CAMTA1: variants seen among roughly 807,000 people sequenced by gnomAD.
The protein encoded by CAMTA1 is calmodulin-binding transcription activator 1.
CAMTA1 carries 27 observed loss-of-function variants against 170.9 expected under a neutral mutation model. The observed-to-expected ratio is 0.16, with a 90% CI of 0.12 to 0.22. The LOEUF is 0.22. Among genes scored for constraint, CAMTA1 ranks in the 10% least tolerant of loss-of-function variants. The pLI is 1.00. For missense variants in CAMTA1, 1,619 were observed against 2,217.2 expected (o/e 0.73, Z 5.42); for synonymous variants, 833 against 891.5 (o/e 0.93, Z 1.17).
chr1:7,397,883 G>A (rs2089458299), intron 5 of CAMTA1, among the ~76,000 whole-genome samples: 1 of 151,764 alleles, frequency 6.6e-6, no homozygotes, highest in African/African-American at 2.4e-5. Flanking sequence ...TTTGAGACTT[G>A]TTTTGTGACC....
intron 11 of CAMTA1, among the ~76,000 whole-genome samples, chr1:7,709,216 A>T (rs1173084101): frequency 6.6e-6 from 1 of 152,172 alleles, no homozygotes; most frequent in Non-Finnish European, 1.5e-5. Flanking sequence ...TGGGGTGCAG[A>T]GGGGCCCCAC....
chr1:7,145,505 C>T (rs1056193348), intron 4 of CAMTA1, among the ~76,000 whole-genome samples: 24 of 152,160 alleles, frequency 1.6e-4, no homozygotes, highest in Non-Finnish European at 7.3e-5. Context: ...CGGGAAGTAC[C>T]AGAGAAGCCA....
rs112677162 is a variant in CAMTA1, at chr1:7,663,299, T to C, written c.806-54T>C. Reference sequence around the variant, plus strand: ...ACTCTCTTTTGTGTGTGCATGTGTGTGTGCACATGTGTGCCTGCGTGTGCG... The same window carrying C: ...ACTCTCTTTTGTGTGTGCATGTGTGCGTGCACATGTGTGCCTGCGTGTGCG... On this transcript the variant is annotated intron_variant, in intron 8 of 22. Transcript: ENST00000303635. 2.5e-5 allele frequency: 37 copies of C among 1,504,986 alleles called. No individual in the cohort carries two copies. The African/African-American group carries it at 4.6e-4, about 19-fold the overall frequency. 93.2% of individuals were successfully genotyped at this position (1,504,986 alleles called of 1,614,324 possible). A position where few individuals can be genotyped will look rare whatever the true frequency, so the allele number is the denominator to read the frequency against.
chr1:7,749,927 G>A (rs2096883950), intron 19 of CAMTA1: 2 of 368,710 alleles, frequency 5.4e-6, no homozygotes, highest in South Asian at 4.0e-5. Flanking sequence ...GGCCACCTAA[G>A]CACAGTTCCT....
chr1:7,425,872 C>G (rs530800957), intron 5 of CAMTA1, among the ~76,000 whole-genome samples: 1 of 152,316 alleles, frequency 6.6e-6, no homozygotes, highest in Non-Finnish European at 1.5e-5. Context: ...AGTTGTGACT[C>G]CAGCTTCCCC....
intron 4 of CAMTA1, among the ~76,000 whole-genome samples, chr1:7,129,182 G>C (rs563419840): frequency 6.6e-6 from 1 of 152,040 alleles, no homozygotes; most frequent in Non-Finnish European, 1.5e-5. Context: ...ACTTGCCCAG[G>C]CTCCCACAGC....
At chr1:7,667,296 C>G (rs1045535984) in intron 9 of CAMTA1, among the ~76,000 whole-genome samples, 2 of 152,112 alleles carry the variant, frequency 1.3e-5, no homozygotes, top group African/African-American at 2.4e-5. Context: ...TTCCCCGTGC[C>G]CCCTGACCCT....
intron 6 of CAMTA1, among the ~76,000 whole-genome samples, chr1:7,480,460 TCTC>T (rs1249945214): frequency 6.6e-6 from 1 of 151,778 alleles, no homozygotes; most frequent in Non-Finnish European, 1.5e-5. Flanking sequence ...CTAGTTCCCC[TCTC>T]CTCCTCTTCT....
chr1:6,837,305 A>G (rs1409277545), intron 3 of CAMTA1, among the ~76,000 whole-genome samples: 1 of 152,046 alleles, frequency 6.6e-6, no homozygotes, highest in Non-Finnish European at 1.5e-5. Context: ...GTCAAGGACA[A>G]GGCGCCGAGG....
At chr1:7,475,319 T>A (rs2093403311) in intron 6 of CAMTA1, among the ~76,000 whole-genome samples, 1 of 152,002 alleles carries the variant, frequency 6.6e-6, no homozygotes, top group Admixed American at 6.5e-5. Context: ...GCTCCACGGC[T>A]CCCACCAAAT....
At chr1:7,298,326 C>G (rs1050589275) in intron 5 of CAMTA1, among the ~76,000 whole-genome samples, 1 of 4,104 alleles carries the variant, frequency 2.4e-4, no homozygotes, top group Admixed American at 3.3e-3. Flanking sequence ...TGATCCACCC[C>G]CCACCCCGCA....
chr1:7,336,342 G>A (rs2083383356), intron 5 of CAMTA1, among the ~76,000 whole-genome samples: 1 of 152,254 alleles, frequency 6.6e-6, no homozygotes, highest in South Asian at 2.1e-4. Context: ...CTGCCTGGTA[G>A]GGCTTTGCCA....
chr1:7,686,908 A>G (rs3121217), intron 11 of CAMTA1, among the ~76,000 whole-genome samples: 148,267 of 152,056 alleles, frequency 0.98, 72,386 homozygotes, highest in East Asian at 1. Context: ...CCACCGGAGG[A>G]ACAGCAAACC....
chr1:7,114,046 C>T (rs1644217675), intron 4 of CAMTA1, among the ~76,000 whole-genome samples: 2 of 152,240 alleles, frequency 1.3e-5, no homozygotes, highest in African/African-American at 4.8e-5. Context: ...AGGGCCCACC[C>T]CCCATCCTCT....
chr1:7,612,575 C>T (rs1024358906), intron 6 of CAMTA1, among the ~76,000 whole-genome samples: 3 of 152,160 alleles, frequency 2.0e-5, no homozygotes, highest in Non-Finnish European at 4.4e-5. Context: ...AGGGCGGGGC[C>T]TTTGCTGGGG....
intron 19 of CAMTA1, 123 bp from the exon 20 acceptor site, chr1:7,751,076 C>A: frequency 2.4e-6 from 2 of 817,630 alleles, no homozygotes; most frequent in Non-Finnish European, 4.1e-6. Context: ...AAACCCCGGA[C>A]AGAGAATGTG....
intron 6 of CAMTA1, among the ~76,000 whole-genome samples, chr1:7,474,099 C>T (rs1050292516): frequency 1.3e-5 from 2 of 152,228 alleles, no homozygotes; most frequent in East Asian, 1.9e-4. Context: ...GGTTTAGACC[C>T]GTCAAATAGT....
At chr1:7,201,368 AT>A (rs1007332001) in intron 4 of CAMTA1, among the ~76,000 whole-genome samples, 2 of 151,858 alleles carry the variant, frequency 1.3e-5, no homozygotes, top group Non-Finnish European at 2.9e-5. Context: ...GTGTAGACAT[AT>A]TTTTTTTCAT....
At chr1:6,899,552 GCGCACACA>G (rs1172143320) in intron 3 of CAMTA1, among the ~76,000 whole-genome samples, 3,032 of 104,764 alleles carry the variant, frequency 0.029, 42 homozygotes, top group Non-Finnish European at 0.036. Context: ...GCACGCGCGC[GCGCACACA>G]CACACACACA....
Sources: allele counts gnomAD v4.1 joint callset (sites outside exome capture counted in the v4.1 genomes callset), GRCh38; gene constraint gnomAD v4.1.1; transcripts MANE v1.5; gene names NCBI Gene and HGNC (gene_info 2026-07-23, HGNC 2026-07-21).